Variants in NRXN3 observed in about 807,000 individuals in gnomAD.
The protein encoded by NRXN3 is neurexin 3.
NRXN3 carries 32 observed loss-of-function variants against 137.6 expected under a neutral mutation model. The ratio of observed to expected loss-of-function variants is 0.23; its 90% CI spans 0.18 to 0.31. The LOEUF (loss-of-function observed/expected upper bound fraction) is 0.31, where lower values mean the gene tolerates loss of function less well. Among genes scored for constraint, NRXN3 ranks in the 10% least tolerant of loss-of-function variants. The pLI is 1.00. For synonymous variants in NRXN3, 798 were observed against 784.5 expected (o/e 1.02, Z -0.29); for missense variants, 1,574 against 2,062.5 (o/e 0.76, Z 4.59).
At chr14:79,469,807 G>T (rs2096476737) in intron 16 of NRXN3, among the ~76,000 whole-genome samples, 1 of 152,126 alleles carries the variant, frequency 6.6e-6, no homozygotes, top group Non-Finnish European at 1.5e-5. Flanking sequence ...GCCCCTTCAT[G>T]GGTCTAGTCA....
intron 15 of NRXN3, among the ~76,000 whole-genome samples, chr14:79,372,799 A>G (rs1189658189): frequency 3.3e-5 from 5 of 152,158 alleles, no homozygotes; most frequent in Admixed American, 3.3e-4. Context: ...CCCTACCCCC[A>G]AAGAAACTTG....
chr14:79,142,011 A>G (rs2058830099), intron 15 of NRXN3, among the ~76,000 whole-genome samples: 1 of 152,222 alleles, frequency 6.6e-6, no homozygotes, highest in South Asian at 2.1e-4. Context: ...TGAAGTACAT[A>G]TAAAGTACTG....
intron 16 of NRXN3, among the ~76,000 whole-genome samples, chr14:79,583,620 G>C (rs1472620565): frequency 6.6e-6 from 1 of 152,062 alleles, no homozygotes; most frequent in Non-Finnish European, 1.5e-5. Flanking sequence ...ATGAACTTAA[G>C]ATTATACTCA....
intron 8 of NRXN3, among the ~76,000 whole-genome samples, chr14:78,778,566 T>G (rs1012504554): frequency 6.6e-6 from 1 of 152,066 alleles, no homozygotes; most frequent in Admixed American, 6.6e-5. Context: ...TCCAGGGTTT[T>G]TGTTTGTTTC....
chr14:79,260,483 C>G (rs2077431782), intron 15 of NRXN3, among the ~76,000 whole-genome samples: 1 of 152,140 alleles, frequency 6.6e-6, no homozygotes, highest in South Asian at 2.1e-4. Context: ...GTACTTTTGA[C>G]AGATCCCTCA....
At chr14:78,340,669 T>A (rs1259261001) in intron 4 of NRXN3, among the ~76,000 whole-genome samples, 1 of 152,158 alleles carries the variant, frequency 6.6e-6, no homozygotes, top group Non-Finnish European at 1.5e-5. Flanking sequence ...CCTGATAGCA[T>A]GTTGGCTGGG....
At chr14:78,500,510 G>A (rs2095860082) in intron 4 of NRXN3, among the ~76,000 whole-genome samples, 1 of 152,102 alleles carries the variant, frequency 6.6e-6, no homozygotes, top group South Asian at 2.1e-4. Context: ...GTAAAAAAGT[G>A]GGGATGATTA....
chr14:79,625,629 G>A (rs1040969666), intron 16 of NRXN3, among the ~76,000 whole-genome samples: 3 of 152,170 alleles, frequency 2.0e-5, no homozygotes, highest in Non-Finnish European at 2.9e-5. Flanking sequence ...TGAGATGGAA[G>A]TACATGGAAT....
At chr14:78,860,919 A>G (rs1408392659) in intron 10 of NRXN3, among the ~76,000 whole-genome samples, 1 of 152,058 alleles carries the variant, frequency 6.6e-6, no homozygotes, top group Admixed American at 6.6e-5. Context: ...TGAAAAAAAT[A>G]CACATATGAG....
chr14:78,356,269 G>A (rs2084291072), intron 4 of NRXN3, among the ~76,000 whole-genome samples: 1 of 152,208 alleles, frequency 6.6e-6, no homozygotes, highest in Non-Finnish European at 1.5e-5. Context: ...TAAGAGAGAT[G>A]GGACTAGAAT....
intron 1 of NRXN3, among the ~76,000 whole-genome samples, chr14:78,183,490 G>A (rs1338858573): frequency 6.6e-6 from 1 of 152,168 alleles, no homozygotes; most frequent in African/African-American, 2.4e-5. Flanking sequence ...CCAGGAGAAG[G>A]AGGCAAGAAG....
intron 10 of NRXN3, among the ~76,000 whole-genome samples, chr14:78,847,162 A>G (rs1301235540): frequency 6.6e-6 from 1 of 152,078 alleles, no homozygotes. Flanking sequence ...ATGAAACTCC[A>G]TATGAGAGCC....
chr14:79,343,168 C>T (rs2098413839), intron 15 of NRXN3, among the ~76,000 whole-genome samples: 1 of 152,130 alleles, frequency 6.6e-6, no homozygotes, highest in Non-Finnish European at 1.5e-5. Context: ...GGGAGCATCA[C>T]AGTCTTGTAG....
chr14:78,962,323 T>C (rs61995266), intron 11 of NRXN3, among the ~76,000 whole-genome samples: 20,169 of 151,362 alleles, frequency 0.13, 1,856 homozygotes, highest in African/African-American at 0.26. Flanking sequence ...ATAGTGATTA[T>C]GCAGTATTTA....
chr14:78,232,832 G>C (rs1410758668), intron 1 of NRXN3, among the ~76,000 whole-genome samples: 1 of 152,212 alleles, frequency 6.6e-6, no homozygotes, highest in Non-Finnish European at 1.5e-5. Flanking sequence ...GGGAACTCCA[G>C]GCTGGGGAGG....
At chr14:78,880,253 A>G (rs1259669330) in intron 10 of NRXN3, among the ~76,000 whole-genome samples, 2 of 140,994 alleles carry the variant, frequency 1.4e-5, no homozygotes, top group Middle Eastern at 3.5e-3. Context: ...AAAAAAAAAA[A>G]AAAAAAAAAA....
rs956375854 is a variant in NRXN3, at chr14:79,863,812, A to T, written c.*1848A>T. 1.1e-4 allele frequency: 17 copies of T among 152,648 alleles called. No individual in the cohort carries two copies. The highest frequency in any genetic ancestry group is 2.5e-4 in the Non-Finnish European group (17 of 68,046). 9.5% of individuals were successfully genotyped at this position (152,648 alleles called of 1,614,324 possible). On this transcript the variant is annotated 3_prime_UTR_variant, in exon 21 of 21. Transcript: ENST00000335750. ...CAGATATACAATTTCTTTTGTACAG[A>T]TGAAAATCAATCAGCTGCTTAGATT...
intron 4 of NRXN3, among the ~76,000 whole-genome samples, chr14:78,376,691 A>G (rs1414249510): frequency 1.3e-5 from 2 of 152,220 alleles, no homozygotes; most frequent in African/African-American, 4.8e-5. Context: ...AAGCCCAAGA[A>G]AAGCCTGTTT....
intron 10 of NRXN3, among the ~76,000 whole-genome samples, chr14:78,946,374 G>A (rs2099365227): frequency 6.6e-6 from 1 of 152,102 alleles, no homozygotes; most frequent in East Asian, 1.9e-4. Context: ...CTTCCAGATG[G>A]CCTGAGTGCC....
Sources: allele counts gnomAD v4.1 joint callset (sites outside exome capture counted in the v4.1 genomes callset), GRCh38; gene constraint gnomAD v4.1.1; transcripts MANE v1.5; gene names NCBI Gene and HGNC (gene_info 2026-07-23, HGNC 2026-07-21).